The following ANKRD17 variants were observed in gnomAD, a reference collection of about 807,000 sequenced individuals.
The protein encoded by ANKRD17 is ankyrin repeat domain 17.
ANKRD17 carries 19 observed loss-of-function variants against 229.7 expected under a neutral mutation model. The observed-to-expected ratio is 0.08, with a 90% CI of 0.06 to 0.12. ANKRD17 has a LOEUF of 0.12. ANKRD17 is among the 10% of genes least tolerant of loss of function. The pLI, the probability that ANKRD17 is intolerant of heterozygous loss-of-function variation, is 1.00. For missense variants in ANKRD17, 2,176 were observed against 3,176.8 expected (o/e 0.68, Z 7.57); for synonymous variants, 1,112 against 1,146.1 (o/e 0.97, Z 0.60).
chr4:73,096,479 G>C (rs1416055719), intron 27 of ANKRD17, among the ~76,000 whole-genome samples: 1 of 152,150 alleles, frequency 6.6e-6, no homozygotes, highest in Non-Finnish European at 1.5e-5. Context: ...ACTGCACTTA[G>C]GGATTAACAG....
At chr4:73,132,593 T>C (rs1203045509) in intron 16 of ANKRD17, among the ~76,000 whole-genome samples, 2 of 152,170 alleles carry the variant, frequency 1.3e-5, no homozygotes, top group Non-Finnish European at 1.5e-5. Context: ...CAAATCTTGA[T>C]GTGAGATCAG....
In ANKRD17 at chr4:73,121,598, G is replaced by T. The variant is rs568392401; in HGVS notation, c.3635+19C>A. The T allele has an allele frequency of 6.2e-7, 1 of 1,613,226 alleles. No homozygotes were observed. Among genetic ancestry groups the T allele is most frequent in the East Asian group, 2.2e-5 (1 of 44,820 alleles). On this transcript the variant is annotated intron_variant, in intron 19 of 33. Coordinates refer to ENST00000358602, the MANE Select transcript of ANKRD17 (RefSeq NM_032217.5). ...AGTCTTACTAAATAAGGGGCTTACA[G>T]AAAGGGAATACAACTTGCCTAGAGT...
chr4:73,190,770 G>GT (rs1204162339), intron 1 of ANKRD17, among the ~76,000 whole-genome samples: 4 of 151,152 alleles, frequency 2.6e-5, no homozygotes, highest in Non-Finnish European at 4.4e-5. Flanking sequence ...AAAATAAAAT[G>GT]TAAAATGGAA....
chr4:73,144,520 C>T (rs896663204), intron 11 of ANKRD17, among the ~76,000 whole-genome samples: 1 of 152,128 alleles, frequency 6.6e-6, no homozygotes, highest in Non-Finnish European at 1.5e-5. Context: ...TTCCTTTATA[C>T]GTTTCACAAC....
chr4:73,090,876 A>G lies in ANKRD17; in HGVS notation c.6752T>C (p.Phe2251Ser). 6.2e-7 allele frequency: 1 copy of G among 1,614,234 alleles called. No homozygotes were observed. Among genetic ancestry groups the G allele is most frequent in the Non-Finnish European group, 8.5e-7 (1 of 1,180,044 alleles). ...TTCAAACAATGTGCTAAAGGGCCCA[A>G]ATGGTAAGGGGGCACTGAAATTGGG... ...IAPNFSAPLPFGPFSTLFENS... is the reference protein window; with the variant it reads ...IAPNFSAPLPSGPFSTLFENS... The change falls in exon 29 of 34, where the codon TTT becomes TCT. Residue 2251 changes from phenylalanine (F) to serine (S), a missense_variant. Phe to Ser is a radical substitution (Grantham distance 155). Transcript: ENST00000358602.
chr4:73,209,699 G>T (rs1327561851), intron 1 of ANKRD17, among the ~76,000 whole-genome samples: 1 of 152,114 alleles, frequency 6.6e-6, no homozygotes, highest in Non-Finnish European at 1.5e-5. Flanking sequence ...TCCTTAACAA[G>T]ATATTAGTAA....
intron 1 of ANKRD17, among the ~76,000 whole-genome samples, chr4:73,185,380 A>C (rs1404595669): frequency 6.6e-6 from 1 of 151,906 alleles, no homozygotes; most frequent in Non-Finnish European, 1.5e-5. Flanking sequence ...ATTTTAAACC[A>C]GTAATCTACA....
intron 16 of ANKRD17, 107 bp downstream of exon 16, chr4:73,135,010 G>A: frequency 8.8e-7 from 1 of 1,134,796 alleles, no homozygotes; most frequent in Non-Finnish European, 1.2e-6. Context: ...TCAAGACTTT[G>A]CCTAGAGACA....
intron 30 of ANKRD17, 22 bp downstream of exon 30, chr4:73,085,227 A>T (rs370454898): frequency 1.2e-6 from 2 of 1,609,758 alleles, no homozygotes; most frequent in African/African-American, 2.7e-5. Context: ...ATTCTTATGG[A>T]ATTACGGTGT....
rs759534674 is a variant in ANKRD17, at chr4:73,090,935, C to G, written c.6693G>C (p.Gln2231His). 3 of 1,614,236 alleles carry G rather than the reference C, an allele frequency of 1.9e-6. No homozygotes were observed. The highest frequency in any genetic ancestry group is 2.7e-5 in the African/African-American group (2 of 75,052). Reference protein sequence around the residue: ...PSTLSTQSACQNSVHPANKPI... With the variant: ...PSTLSTQSACHNSVHPANKPI... ...GCTTATTTGCTGGATGTACTGAATT[C>G]TGACAAGCACTTTGTGTACTTAAGG... Residue 2231 changes from glutamine (Q) to histidine (H), a missense_variant, in exon 29 of 34, where the codon CAG becomes CAC. Around this residue, in one of 18 missense-constraint regions of ANKRD17, gnomAD observed 424 missense variants for 454.0 expected, o/e 0.93. Transcript: ENST00000358602.
chr4:73,253,477 T>A (rs1745203039), intron 1 of ANKRD17, among the ~76,000 whole-genome samples: 1 of 152,220 alleles, frequency 6.6e-6, no homozygotes, highest in African/African-American at 2.4e-5. Flanking sequence ...ATTAACTCAT[T>A]TAACTCTCAT....
At chr4:73,082,886 T>C (rs1721718582) in intron 30 of ANKRD17, among the ~76,000 whole-genome samples, 1 of 152,180 alleles carries the variant, frequency 6.6e-6, no homozygotes, top group Admixed American at 6.5e-5. Context: ...ATATGCACCA[T>C]ATATTAGATA....
intron 1 of ANKRD17, among the ~76,000 whole-genome samples, chr4:73,189,296 C>T (rs1385058578): frequency 4.6e-5 from 7 of 151,548 alleles, no homozygotes; most frequent in African/African-American, 1.7e-4. Flanking sequence ...TAATAGAGAA[C>T]ACTAAGAAAT....
At chr4:73,083,406 C>T (rs1224845209) in intron 30 of ANKRD17, among the ~76,000 whole-genome samples, 1 of 152,094 alleles carries the variant, frequency 6.6e-6, no homozygotes, top group Non-Finnish European at 1.5e-5. Context: ...GTCATATCTG[C>T]ACCTTATTTA....
At chr4:73,225,131 G>A (rs1235358450) in intron 1 of ANKRD17, among the ~76,000 whole-genome samples, 1 of 152,106 alleles carries the variant, frequency 6.6e-6, no homozygotes, top group Non-Finnish European at 1.5e-5. Flanking sequence ...ACTACAAACT[G>A]GCTTTTGTTA....
chr4:73,217,983 ATGTG>A (rs1271830911), intron 1 of ANKRD17, among the ~76,000 whole-genome samples: 1 of 152,158 alleles, frequency 6.6e-6, no homozygotes, highest in Non-Finnish European at 1.5e-5. Context: ...GTGTATGAGT[ATGTG>A]TGTGTATGTT....
At chr4:73,186,104 CACA>C (rs1384821644) in intron 1 of ANKRD17, among the ~76,000 whole-genome samples, 2 of 151,958 alleles carry the variant, frequency 1.3e-5, no homozygotes, top group African/African-American at 4.8e-5. Context: ...GTAAAGTCAT[CACA>C]ATTTAGTCTC....
At chr4:73,155,830 A>T in intron 4 of ANKRD17, 52 bp from the exon 5 acceptor site, 1 of 1,591,520 alleles carries the variant, frequency 6.3e-7, no homozygotes, top group Non-Finnish European at 8.6e-7. Flanking sequence ...TCGTCAAAAA[A>T]TTTTGAACAC....
chr4:73,083,755 A>C (rs1721803745), intron 30 of ANKRD17, among the ~76,000 whole-genome samples: 1 of 152,200 alleles, frequency 6.6e-6, no homozygotes, highest in Non-Finnish European at 1.5e-5. Context: ...TGACAAACAC[A>C]AGAAAAACTA....
Sources: gnomAD v4.1 joint callset for allele counts (sites outside exome capture counted in the v4.1 genomes callset) on GRCh38, gnomAD v4.1.1 for gene constraint, gnomAD v4.1.1 regional missense constraint, MANE v1.5 for transcripts, NCBI Gene and HGNC (gene_info 2026-07-23, HGNC 2026-07-21) for gene names.